KCNN1: variants seen among roughly 807,000 people sequenced by gnomAD.
KCNN1 encodes small conductance calcium-activated potassium channel protein 1.
Under a neutral mutation model 44.7 loss-of-function variants are expected in KCNN1, and 20 were observed. The observed-to-expected ratio is 0.45, with a 90% CI of 0.32 to 0.65. The LOEUF is 0.65. KCNN1 is among the 30% of genes least tolerant of loss of function. The pLI is 0.05. For synonymous variants in KCNN1, 324 were observed against 341.7 expected, an observed-to-expected ratio of 0.95 and a Z score of 0.57; for missense variants, 632 against 785.3, an observed-to-expected ratio of 0.80 and a Z score of 2.33.
In KCNN1 at chr19:17,998,055, C is replaced by T. The variant is rs1475298209; in HGVS notation, c.1378-97C>T. On this transcript the variant is annotated intron_variant, in intron 9 of 9. Transcript: ENST00000684775. The surrounding 1 kb of genome is among the most constrained non-coding windows in gnomAD (Gnocchi z 5.4). The stretch of plus-strand genomic sequence containing the variant: ...ATTAGTGGCTGGCACCCACCTGGAG[C>T]GTGTGGGCTGTCCCTCTCTGTCATT... 1.5e-5 allele frequency: 20 copies of T among 1,362,596 alleles called. No individual in the cohort carries two copies. Among genetic ancestry groups the T allele is most frequent in the African/African-American group, 1.2e-4 (8 of 68,130 alleles). The allele number at this position is 1,362,596 out of a possible 1,614,324, so 84.4% of individuals were successfully genotyped here. A position where few individuals can be genotyped will look rare whatever the true frequency, so the allele number is the denominator to read the frequency against.
chr19:17,964,088 AGG>A (rs2031743167), upstream of KCNN1, among the ~76,000 whole-genome samples: 1 of 152,208 alleles, frequency 6.6e-6, no homozygotes, highest in Non-Finnish European at 1.5e-5. This position sits in a 1 kb window ranked among gnomAD's most constrained non-coding sequence, Gnocchi z 4.3. Context: ...GGCTCAGAGA[AGG>A]GGCTATGTGG....
In KCNN1 at chr19:17,989,819, G is replaced by C; in HGVS notation, c.1274G>C (p.Arg425Pro). The change falls in exon 7 of 10, where the codon CGT becomes CCT. Residue 425 changes from arginine (R) to proline (P), a missense_variant. Physicochemically the swap from Arg to Pro is moderately radical, Grantham distance 103. Transcript: ENST00000684775. ...CAAGCCCGGGTTCGGAAACACCAGCGTAAGTTCCTCCAAGCCATCCATCAG... is the reference window on the plus strand; with the variant it reads ...CAAGCCCGGGTTCGGAAACACCAGCCTAAGTTCCTCCAAGCCATCCATCAG... ...PDQARVRKHQ[R>P]KFLQAIHQAQ... The C allele has an allele frequency of 6.2e-7, 1 of 1,613,698 alleles. No homozygotes were observed. The highest frequency in any genetic ancestry group is 8.5e-7 in the Non-Finnish European group (1 of 1,179,818).
At chr19:17,997,199 C>T (rs1215715850) in intron 9 of KCNN1, among the ~76,000 whole-genome samples, 1 of 152,176 alleles carries the variant, frequency 6.6e-6, no homozygotes, top group African/African-American at 2.4e-5. Flanking sequence ...ATTCTCAGGG[C>T]AGTCACCTTC....
chr19:17,966,027 T>G (rs7246976), upstream of KCNN1, among the ~76,000 whole-genome samples: 2,841 of 13,206 alleles, frequency 0.22, 29 homozygotes, highest in Middle Eastern at 0.32. Context: ...CTGCCTGCCT[T>G]CCTTCCTTCC....
rs1262012651 is a variant in KCNN1, at chr19:17,999,764, C to T, written c.*1358C>T. The T allele has an allele frequency of 1.2e-5, 4 of 342,172 alleles. No homozygotes were observed. The highest frequency in any genetic ancestry group is 2.2e-5 in the South Asian group (1 of 45,966). The allele number at this position is 342,172 out of a possible 1,614,324, so 21.2% of individuals were successfully genotyped here. ...CTGGGGAGACGACGCTGTGCATAGC[C>T]GAGGAGCCCCAGGTCCTGGCAGCCT... is the stretch of plus-strand genomic sequence containing the variant. On this transcript the variant is annotated 3_prime_UTR_variant, in exon 10 of 10. Coordinates refer to ENST00000684775, the MANE Select transcript of KCNN1 (RefSeq NM_001386974.1).
In KCNN1 at chr19:17,972,665, T is replaced by C. The variant is rs1272099674; in HGVS notation, c.-81-1143T>C. Among the ~76,000 whole-genome samples, 8 of 152,012 alleles carry C rather than the reference T, an allele frequency of 5.3e-5. No individual in the cohort carries two copies. The South Asian group carries it at 1.7e-3, about 31-fold the overall frequency. On this transcript the variant is annotated intron_variant, in intron 1 of 9. Transcript: ENST00000684775. ...AGGATCTCTGTAGCCACAGCCAGGG[T>C]CCCTAATGTCCCATAGGCCACAGTG...
Position 17,993,456 on chromosome 19 carries a change from C to T in KCNN1, c.1308-34C>T, listed in dbSNP as rs1291600793. 3.8e-6 allele frequency: 6 copies of T among 1,566,562 alleles called. No homozygotes were observed. The highest frequency in any genetic ancestry group is 3.4e-5 in the Admixed American group (2 of 58,842). On this transcript the variant is annotated intron_variant, in intron 8 of 9. Transcript: ENST00000684775. The surrounding 1 kb of genome is among the most constrained non-coding windows in gnomAD (Gnocchi z 4.5). ...CCACTGCAGCCTCCACGGGAACCTGCCTAACCCCCTCCCCCAACCCCGTGT... is the reference window on the plus strand; with the variant it reads ...CCACTGCAGCCTCCACGGGAACCTGTCTAACCCCCTCCCCCAACCCCGTGT...
At chr19:17,995,412 G>A (rs538699349) in intron 9 of KCNN1, among the ~76,000 whole-genome samples, 125 of 150,768 alleles carry the variant, frequency 8.3e-4, no homozygotes, top group African/African-American at 2.7e-3. Flanking sequence ...GAGCTCAAGT[G>A]ATCCTCCCGC....
intron 9 of KCNN1, among the ~76,000 whole-genome samples, chr19:17,995,060 CTATTT>C (rs1457631215): frequency 2.0e-5 from 3 of 152,166 alleles, no homozygotes; most frequent in Non-Finnish European, 4.4e-5. Flanking sequence ...AAGTCCCATT[CTATTT>C]TATTTCTTGT....
intron 3 of KCNN1, among the ~76,000 whole-genome samples, chr19:17,981,279 T>C (rs1196351661): frequency 6.7e-6 from 1 of 149,910 alleles, no homozygotes; most frequent in African/African-American, 2.5e-5. Context: ...AGGCTGGGCA[T>C]GGTGGCTTAC....
chr19:17,977,800 C>G (rs367989467), intron 3 of KCNN1, among the ~76,000 whole-genome samples: 1 of 152,090 alleles, frequency 6.6e-6, no homozygotes, highest in African/African-American at 2.4e-5. Flanking sequence ...CAGCAGAACA[C>G]AAATCAACCT....
chr19:17,990,525 G>A (rs1168915852), intron 7 of KCNN1, among the ~76,000 whole-genome samples: 1 of 151,508 alleles, frequency 6.6e-6, no homozygotes, highest in East Asian at 1.9e-4. Context: ...AAAAGGCCGG[G>A]CGCGGTGGCT....
At chr19:17,966,948 G>C (rs1203349828), upstream of KCNN1, among the ~76,000 whole-genome samples, 1 of 151,134 alleles carries the variant, frequency 6.6e-6, no homozygotes, top group Non-Finnish European at 1.5e-5. Context: ...GGAGTTCGAA[G>C]ACCAGCCGCA....
intron 1 of KCNN1, among the ~76,000 whole-genome samples, chr19:17,969,385 C>T (rs1026561766): frequency 6.6e-6 from 1 of 152,172 alleles, no homozygotes; most frequent in Non-Finnish European, 1.5e-5. Context: ...AACGGGAATG[C>T]CACCTTGCTC....
At position 17,998,380 on chromosome 19, in the gene KCNN1, C is replaced by A; in HGVS notation, c.1606C>A (p.Pro536Thr). The stretch of plus-strand genomic sequence containing the variant: ...CCGGAGCTCCCCCTGCCGGTGGACG[C>A]CCGTGGCCCCCTCGGACTGCGGGTG... Reference protein sequence around the residue: ...AARSSPCRWTPVAPSDCG With the variant: ...AARSSPCRWTTVAPSDCG The change falls in exon 10 of 10, where the codon CCC (proline) becomes ACC (threonine). Residue 536 changes from proline to threonine, a missense_variant. Pro to Thr is a conservative substitution (Grantham distance 38). Coordinates refer to ENST00000684775, the MANE Select transcript of KCNN1 (RefSeq NM_001386974.1). This position sits in a 1 kb window ranked among gnomAD's most constrained non-coding sequence, Gnocchi z 5.4. 6.7e-7 allele frequency: 1 copy of A among 1,491,622 alleles called. No homozygotes were observed. Among genetic ancestry groups the A allele is most frequent in the Non-Finnish European group, 8.9e-7 (1 of 1,126,416 alleles). 92.4% of individuals were successfully genotyped at this position (1,491,622 alleles called of 1,614,324 possible).
At chr19:17,970,041 G>C (rs532085704) in intron 1 of KCNN1, among the ~76,000 whole-genome samples, 1 of 152,338 alleles carries the variant, frequency 6.6e-6, no homozygotes, top group South Asian at 2.1e-4. Flanking sequence ...GGGCCCACAA[G>C]GCCAGGCCTT....
At chr19:17,976,419 AC>A (rs2032205772) in intron 3 of KCNN1, among the ~76,000 whole-genome samples, 1 of 150,978 alleles carries the variant, frequency 6.6e-6, no homozygotes, top group South Asian at 2.1e-4. Context: ...CAATTATTCA[AC>A]CTTTTTTTTT....
Position 17,975,092 on chromosome 19 carries a change from G to C in KCNN1, c.403G>C (p.Glu135Gln). 6.2e-7 allele frequency: 1 copy of C among 1,612,802 alleles called. No homozygotes were observed. The highest frequency in any genetic ancestry group is 8.5e-7 in the Non-Finnish European group (1 of 1,178,908). ...TELSWGVYTK[E>Q]SLYSFALKCL... ...TGGCTGTGTCCTCTCTCTTTACCAG[G>C]AGTCTCTGTACTCATTCGCACTCAA... Residue 135 changes from glutamate (E) to glutamine (Q), a missense_variant and splice_region_variant, in exon 3 of 10, where the codon GAG (glutamate) becomes CAG (glutamine). Transcript: ENST00000684775.
chr19:17,985,626 G>A lies in KCNN1; in HGVS notation c.1059+173G>A, dbSNP rs540798506. 3.4e-4 allele frequency among the ~76,000 whole-genome samples: 51 copies of A among 152,212 alleles called. No homozygotes were observed. The South Asian group carries it at 8.1e-3, about 24-fold the overall frequency. On this transcript the variant is annotated intron_variant, in intron 5 of 9. Coordinates refer to ENST00000684775, the MANE Select transcript of KCNN1 (RefSeq NM_001386974.1). ...CCCTGCTCTGCTCTTTTCCTCTGAC[G>A]TCACGTGGAAGCCACACCCACAGGC...
Sources: gnomAD v4.1 joint callset for allele counts (sites outside exome capture counted in the v4.1 genomes callset) on GRCh38, gnomAD v4.1.1 for gene constraint, Gnocchi (gnomAD v3.1) non-coding constraint, MANE v1.5 for transcripts, NCBI Gene and HGNC (gene_info 2026-07-23, HGNC 2026-07-21) for gene names.